Variants in MCPH1 observed in about 807,000 individuals in gnomAD.
MCPH1 encodes the protein microcephalin 1, also known as microcephalin.
Under a neutral mutation model 84.5 loss-of-function variants are expected in MCPH1, and 104 were observed. The observed-to-expected ratio is 1.23, with a 90% confidence interval of 1.05 to 1.45. The LOEUF is 1.45. Among genes scored for constraint, MCPH1 ranks in the 40% most tolerant of loss-of-function variants. The probability of loss-of-function intolerance (pLI) is 0.00; values close to 1 mark genes in which losing one functional copy is unlikely to be tolerated. For synonymous variants in MCPH1, 514 were observed against 366.8 expected, an observed-to-expected ratio of 1.40 and a Z score of -4.58; for missense variants, 1,498 against 1,005.7, an observed-to-expected ratio of 1.49 and a Z score of -6.62.
Position 6,495,226 on chromosome 8 carries a change from A to G in MCPH1, c.2137-4626A>G, listed in dbSNP as rs140728641. 1.9e-3 allele frequency among the ~76,000 whole-genome samples: 294 copies of G among 152,314 alleles called. 1 individual carries two copies. The highest frequency in any genetic ancestry group is 0.017 in the Middle Eastern group (5 of 294). On this transcript the variant is annotated intron_variant, in intron 11 of 13. Coordinates refer to ENST00000344683, the MANE Select transcript of MCPH1 (RefSeq NM_024596.5). The stretch of plus-strand genomic sequence containing the variant: ...CCAATTTTTTCTCCTGAAGTTCAGT[A>G]TAACCTAGAAATAACTTCATTGCTA...
chr8:6,426,637 A>C (rs1258536557), intron 3 of MCPH1, among the ~76,000 whole-genome samples: 1 of 152,232 alleles, frequency 6.6e-6, no homozygotes, highest in Admixed American at 6.5e-5. Flanking sequence ...GTTACAATGG[A>C]CATTTACATT....
chr8:6,526,439 A>T (rs1818356444), intron 12 of MCPH1, among the ~76,000 whole-genome samples: 1 of 152,118 alleles, frequency 6.6e-6, no homozygotes, highest in Non-Finnish European at 1.5e-5. Context: ...TGTCTCAAAA[A>T]AAAAACACAG....
chr8:6,508,163 G>A (rs565003115), intron 12 of MCPH1: 2 of 152,328 alleles, frequency 1.3e-5, no homozygotes, highest in African/African-American at 4.8e-5. Context: ...TAAAAAGACA[G>A]CTGGGGCCGG....
intron 12 of MCPH1, among the ~76,000 whole-genome samples, chr8:6,506,429 C>T (rs2442468): frequency 1.3e-5 from 2 of 151,988 alleles, no homozygotes; most frequent in African/African-American, 4.8e-5. Flanking sequence ...CTTGATTTGC[C>T]TAAGTAAATA....
intron 12 of MCPH1, chr8:6,501,465 T>A (rs111802946): frequency 1.3e-5 from 2 of 152,130 alleles, no homozygotes; most frequent in Non-Finnish European, 1.5e-5. Context: ...AATTGTACTA[T>A]GAAAATTTCA....
intron 12 of MCPH1, chr8:6,615,578 A>T (rs1302126460): frequency 6.6e-6 from 1 of 152,286 alleles, no homozygotes; most frequent in Non-Finnish European, 1.5e-5. Context: ...CCAGGATCCA[A>T]GAAAAAATGG....
intron 3 of MCPH1, among the ~76,000 whole-genome samples, chr8:6,421,306 G>A (rs914520596): frequency 6.6e-6 from 1 of 152,162 alleles, no homozygotes; most frequent in Non-Finnish European, 1.5e-5. Context: ...GAGAGGCAAT[G>A]TGATAATTGT....
At chr8:6,608,970 TCTC>T (rs1240080106) in intron 12 of MCPH1, among the ~76,000 whole-genome samples, 2 of 152,052 alleles carry the variant, frequency 1.3e-5, no homozygotes, top group Non-Finnish European at 2.9e-5. Context: ...AGGATGAGCT[TCTC>T]CTCTGAAGCA....
In MCPH1 at chr8:6,456,784, T is replaced by C. The variant is rs532469814; in HGVS notation, c.1935+1532T>C. Among the ~76,000 whole-genome samples the C allele has an allele frequency of 1.3e-4, 20 of 152,260 alleles. No homozygotes were observed. The South Asian group carries it at 3.9e-3, about 30-fold the overall frequency. ...CTTTCTCATTTGCCCACAGTGGAAG[T>C]TACTGTTTCAGACGAGTGGTATTGC... On this transcript the variant is annotated intron_variant, in intron 9 of 13. Transcript: ENST00000344683.
At chr8:6,497,603 G>A (rs1563289385) in intron 11 of MCPH1, among the ~76,000 whole-genome samples, 1 of 152,198 alleles carries the variant, frequency 6.6e-6, no homozygotes, top group South Asian at 2.1e-4. Flanking sequence ...ATAAGGAACT[G>A]TAATGTAAAC....
chr8:6,511,211 G>C (rs1815017497), intron 12 of MCPH1, among the ~76,000 whole-genome samples: 1 of 151,988 alleles, frequency 6.6e-6, no homozygotes, highest in Non-Finnish European at 1.5e-5. Context: ...GTGGCCCACT[G>C]GTTTAAAGTG....
At chr8:6,451,978 T>A (rs921217919) in intron 8 of MCPH1, among the ~76,000 whole-genome samples, 1 of 152,242 alleles carries the variant, frequency 6.6e-6, no homozygotes, top group Non-Finnish European at 1.5e-5. Context: ...ATCTTGGAAG[T>A]AGGAAAGTAG....
chr8:6,462,883 C>G (rs1806440925), intron 9 of MCPH1, among the ~76,000 whole-genome samples: 1 of 152,228 alleles, frequency 6.6e-6, no homozygotes, highest in East Asian at 1.9e-4. Flanking sequence ...AGGGTCATGT[C>G]TGCATATTGA....
intron 3 of MCPH1, among the ~76,000 whole-genome samples, chr8:6,425,487 GC>G (rs1468872014): frequency 5.9e-5 from 9 of 152,158 alleles, no homozygotes; most frequent in African/African-American, 1.9e-4. Context: ...AGCAGTAAGT[GC>G]CACTTACTTC....
chr8:6,406,777 A>G (rs2129550304), intron 1 of MCPH1, 88 bp downstream of exon 1: 2 of 1,457,320 alleles, frequency 1.4e-6, no homozygotes, highest in Non-Finnish European at 1.9e-6. Context: ...ATCCCGTGGG[A>G]GGAGCCCCGC....
intron 12 of MCPH1, among the ~76,000 whole-genome samples, chr8:6,522,903 A>G (rs1164826693): frequency 6.6e-6 from 1 of 152,184 alleles, no homozygotes; most frequent in Non-Finnish European, 1.5e-5. Context: ...CTCTCCTTTT[A>G]ATGTGGCCCC....
At chr8:6,584,895 G>A (rs77520813) in intron 12 of MCPH1, among the ~76,000 whole-genome samples, 1,935 of 152,316 alleles carry the variant, frequency 0.013, 52 homozygotes, top group African/African-American at 0.045. Flanking sequence ...GCAAAACAGA[G>A]ATAATCTCAG....
chr8:6,543,059 G>A (rs1290451612), intron 12 of MCPH1, among the ~76,000 whole-genome samples: 2 of 152,104 alleles, frequency 1.3e-5, no homozygotes, highest in African/African-American at 2.4e-5. Context: ...AGGGCTGTGC[G>A]TGCCCTGCCG....
chr8:6,583,173 T>C (rs1260711011), intron 12 of MCPH1, among the ~76,000 whole-genome samples: 2 of 152,194 alleles, frequency 1.3e-5, no homozygotes, highest in Non-Finnish European at 2.9e-5. Context: ...TGTTTTTTTT[T>C]CAGAGTGATT....
Sources: allele counts gnomAD v4.1 joint callset (sites outside exome capture counted in the v4.1 genomes callset), GRCh38; gene constraint gnomAD v4.1.1; transcripts MANE v1.5; gene names NCBI Gene and HGNC (gene_info 2026-07-23, HGNC 2026-07-21).